TBC1D12: variants seen among roughly 807,000 people sequenced by gnomAD.
The protein encoded by TBC1D12 is TBC1 domain family, member 12.
TBC1D12 carries 56 observed loss-of-function variants against 86.7 expected under a neutral mutation model. That is an observed-to-expected ratio of 0.65 (90% CI 0.52 to 0.81). TBC1D12 has a LOEUF of 0.81. TBC1D12 is among the 30% of genes least tolerant of loss of function. The pLI is 0.00. For synonymous variants in TBC1D12, 421 were observed against 411.7 expected (o/e 1.02, Z -0.27); for missense variants, 1,023 against 1,038.8 (o/e 0.98, Z 0.21).
chr10:94,496,603 T>G (rs565506691), intron 4 of TBC1D12, among the ~76,000 whole-genome samples: 4 of 152,320 alleles, frequency 2.6e-5, no homozygotes, highest in African/African-American at 2.4e-5. Flanking sequence ...CTTCATAGAT[T>G]TAGTGTAAAT....
intron 3 of TBC1D12, among the ~76,000 whole-genome samples, chr10:94,485,097 T>A (rs2056140177): frequency 1.3e-5 from 2 of 152,190 alleles, no homozygotes; most frequent in Non-Finnish European, 2.9e-5. Flanking sequence ...TTCCTTCTCT[T>A]GTCTGATTGC....
chr10:94,404,656 A>G (rs1016593291), intron 1 of TBC1D12, among the ~76,000 whole-genome samples: 4 of 151,990 alleles, frequency 2.6e-5, no homozygotes, highest in African/African-American at 9.7e-5. Flanking sequence ...TTCAAAAAAA[A>G]AAAAAAAGAA....
intron 2 of TBC1D12, among the ~76,000 whole-genome samples, chr10:94,456,580 G>T (rs1183903091): frequency 1.3e-5 from 2 of 152,152 alleles, no homozygotes; most frequent in African/African-American, 2.4e-5. Context: ...TGTAGTTTAT[G>T]ACCTAGAATG....
intron 1 of TBC1D12, among the ~76,000 whole-genome samples, chr10:94,432,729 G>A (rs907948903): frequency 4.0e-5 from 6 of 149,982 alleles, no homozygotes; most frequent in Non-Finnish European, 7.4e-5. Context: ...TGAACTTATT[G>A]TATTGTCAGG....
At chr10:94,490,059 C>T (rs1457542540) in intron 3 of TBC1D12, among the ~76,000 whole-genome samples, 1 of 152,122 alleles carries the variant, frequency 6.6e-6, no homozygotes, top group Non-Finnish European at 1.5e-5. Flanking sequence ...ACCAGCCTGA[C>T]TAACATGGTG....
intron 2 of TBC1D12, among the ~76,000 whole-genome samples, chr10:94,447,070 A>AAC (rs1554937881): frequency 1.3e-5 from 2 of 151,760 alleles, no homozygotes; most frequent in Non-Finnish European, 1.5e-5. Context: ...AAAAAAAAAA[A>AAC]AAAAAACCTT....
chr10:94,429,396 C>A (rs1589609576), intron 1 of TBC1D12, among the ~76,000 whole-genome samples: 1 of 151,804 alleles, frequency 6.6e-6, no homozygotes, highest in African/African-American at 2.4e-5. Flanking sequence ...TGGCAAAAAA[C>A]CCTACTTTTT....
chr10:94,498,824 A>C (rs2056357632), intron 5 of TBC1D12, among the ~76,000 whole-genome samples: 1 of 151,178 alleles, frequency 6.6e-6, no homozygotes, highest in Non-Finnish European at 1.5e-5. Context: ...GCTGGGGTGT[A>C]GTGGCGAGAT....
intron 2 of TBC1D12, among the ~76,000 whole-genome samples, chr10:94,445,369 A>G (rs1267757998): frequency 2.6e-5 from 4 of 151,996 alleles, no homozygotes; most frequent in Non-Finnish European, 5.9e-5. Flanking sequence ...AAAAACAGCA[A>G]CAACAGCAAT....
chr10:94,433,173 C>T (rs182179217), intron 1 of TBC1D12, among the ~76,000 whole-genome samples: 1 of 152,212 alleles, frequency 6.6e-6, no homozygotes, highest in East Asian at 1.9e-4. Flanking sequence ...CCACTCCAGC[C>T]TGGGCAAGAG....
intron 1 of TBC1D12, among the ~76,000 whole-genome samples, chr10:94,429,741 CT>C (rs375987756): frequency 1.5e-4 from 23 of 148,444 alleles, no homozygotes; most frequent in African/African-American, 4.2e-4. Flanking sequence ...ATCCCCTCCA[CT>C]TTTTTTTTTG....
intron 11 of TBC1D12, among the ~76,000 whole-genome samples, chr10:94,527,187 G>A (rs1036954182): frequency 7.9e-5 from 12 of 151,718 alleles, no homozygotes; most frequent in African/African-American, 2.4e-4. Flanking sequence ...CCACCTTCAC[G>A]GTTCAAGTGA....
intron 2 of TBC1D12, among the ~76,000 whole-genome samples, chr10:94,458,212 T>C (rs891412428): frequency 1.3e-5 from 2 of 152,130 alleles, no homozygotes; most frequent in Admixed American, 1.3e-4. Context: ...TAATGGATTA[T>C]TGGATTATCA....
chr10:94,434,636 A>G (rs970421349), intron 1 of TBC1D12, among the ~76,000 whole-genome samples: 2 of 151,062 alleles, frequency 1.3e-5, no homozygotes, highest in African/African-American at 2.4e-5. Context: ...GCTGGATGCA[A>G]TGGTTCACAC....
At chr10:94,517,152 C>T (rs942675124) in intron 9 of TBC1D12, among the ~76,000 whole-genome samples, 23 of 152,126 alleles carry the variant, frequency 1.5e-4, no homozygotes, top group Non-Finnish European at 2.9e-4. Context: ...CTGAGGCAGG[C>T]GGATCACTTG....
intron 11 of TBC1D12, among the ~76,000 whole-genome samples, chr10:94,527,839 G>A (rs1842334727): frequency 6.6e-6 from 1 of 152,066 alleles, no homozygotes; most frequent in African/African-American, 2.4e-5. Context: ...GTCCTTTCCT[G>A]AATTAGTGTT....
intron 1 of TBC1D12, among the ~76,000 whole-genome samples, chr10:94,433,387 G>A (rs2134079083): frequency 6.6e-6 from 1 of 152,192 alleles, no homozygotes; most frequent in South Asian, 2.1e-4. Context: ...CCAAAGTGCT[G>A]GGATTACAGG....
intron 2 of TBC1D12, among the ~76,000 whole-genome samples, chr10:94,463,656 A>G (rs994656387): frequency 1.3e-5 from 2 of 152,186 alleles, no homozygotes; most frequent in African/African-American, 4.8e-5. Flanking sequence ...GTCAGACAAT[A>G]TATGTTATGC....
chr10:94,495,529 A>G (rs896991200), intron 4 of TBC1D12, among the ~76,000 whole-genome samples: 6 of 152,142 alleles, frequency 3.9e-5, no homozygotes, highest in African/African-American at 1.2e-4. Context: ...TAAGATAACT[A>G]TTGGTACTGG....
Sources: allele counts gnomAD v4.1 joint callset (sites outside exome capture counted in the v4.1 genomes callset), GRCh38; gene constraint gnomAD v4.1.1; transcripts MANE v1.5; gene names NCBI Gene and HGNC (gene_info 2026-07-23, HGNC 2026-07-21).